SGCZ: variants seen among roughly 807,000 people sequenced by gnomAD.
The protein encoded by SGCZ is sarcoglycan zeta.
A neutral mutation model predicts 41.3 loss-of-function variants in SGCZ; 40 were observed. That is an observed-to-expected ratio of 0.97 (90% confidence interval 0.75 to 1.26). SGCZ has a LOEUF of 1.26. Ranked by LOEUF, SGCZ falls within the 50% of genes most tolerant of loss-of-function variation. The pLI is 0.00. For missense variants in SGCZ, 552 were observed against 369.8 expected (o/e 1.49, Z -4.04); for synonymous variants, 206 against 137.5 (o/e 1.50, Z -3.49).
chr8:14,309,582 G>T (rs1585346419), intron 3 of SGCZ: 2 of 1,610,816 alleles, frequency 1.2e-6, no homozygotes, highest in South Asian at 2.2e-5. Context: ...GGAAAGGTTA[G>T]GACTTCATCC....
intron 1 of SGCZ, among the ~76,000 whole-genome samples, chr8:14,963,944 G>C (rs1040040568): frequency 1.3e-5 from 2 of 152,178 alleles, no homozygotes; most frequent in East Asian, 3.9e-4. Flanking sequence ...TTTCTAAGTT[G>C]TTTAATATAG....
chr8:15,008,706 A>G (rs1235505961), intron 1 of SGCZ, among the ~76,000 whole-genome samples: 3 of 71,938 alleles, frequency 4.2e-5, no homozygotes, highest in African/African-American at 1.2e-4. Context: ...AGAGGAGAAA[A>G]GGGGAGGAGG....
intron 1 of SGCZ, among the ~76,000 whole-genome samples, chr8:14,681,898 A>T (rs4831635): frequency 0.41 from 61,733 of 151,914 alleles, 14,964 homozygotes; most frequent in Non-Finnish European, 0.56. Flanking sequence ...TGGCACATTT[A>T]TAGCTAATGT....
At chr8:15,186,262 CAAAAA>C (rs61237091) in intron 1 of SGCZ, among the ~76,000 whole-genome samples, 32 of 80,692 alleles carry the variant, frequency 4.0e-4, no homozygotes, top group African/African-American at 2.0e-3. Flanking sequence ...GATTCCGTAC[CAAAAA>C]AAAAAAAAAA....
At chr8:14,585,364 G>C (rs1379514853) in intron 1 of SGCZ, among the ~76,000 whole-genome samples, 2 of 151,968 alleles carry the variant, frequency 1.3e-5, no homozygotes, top group African/African-American at 2.4e-5. Flanking sequence ...ATTTCATACT[G>C]TATTTATTTT....
chr8:14,919,913 GT>G, intron 1 of SGCZ, among the ~76,000 whole-genome samples: 1 of 151,828 alleles, frequency 6.6e-6, no homozygotes. Context: ...GTGAGACTCT[GT>G]TTTTTTTGTT....
intron 1 of SGCZ, among the ~76,000 whole-genome samples, chr8:15,236,314 C>A: frequency 6.6e-6 from 1 of 152,340 alleles, no homozygotes; most frequent in Admixed American, 6.5e-5. Flanking sequence ...GGCCAGGGCA[C>A]AGGACAGGCT....
chr8:14,353,012 T>C lies in SGCZ; in HGVS notation c.235-28808A>G, dbSNP rs900663722. 2.6e-5 allele frequency among the ~76,000 whole-genome samples: 4 copies of C among 151,996 alleles called. No individual in the cohort carries two copies. In the East Asian group the frequency reaches 7.7e-4, roughly 29 times the overall value. ...TTTTCCTGTAACATTTCTGGACAAC[T>C]TTCTGGGCGTTCTTACCTCTATGGA... On this transcript the variant is annotated intron_variant, in intron 2 of 7. Coordinates refer to ENST00000382080, the MANE Select transcript of SGCZ (RefSeq NM_139167.4).
At chr8:14,314,185 C>A (rs192772579) in intron 3 of SGCZ, among the ~76,000 whole-genome samples, 4 of 151,960 alleles carry the variant, frequency 2.6e-5, no homozygotes, top group Admixed American at 6.6e-5. Context: ...ATTTTTAAGT[C>A]CAAAGAATGT....
chr8:14,160,399 C>T (rs1002895772), intron 5 of SGCZ, among the ~76,000 whole-genome samples: 4 of 152,012 alleles, frequency 2.6e-5, no homozygotes, highest in Non-Finnish European at 5.9e-5. Flanking sequence ...AAGGTTTATT[C>T]CTTTTTTTGT....
intron 1 of SGCZ, among the ~76,000 whole-genome samples, chr8:14,899,938 T>A (rs1022872609): frequency 6.6e-6 from 1 of 152,092 alleles, no homozygotes; most frequent in Non-Finnish European, 1.5e-5. Context: ...GCTGGTGACC[T>A]GTACGTAGTT....
At chr8:14,697,484 A>G (rs2117587763) in intron 1 of SGCZ, among the ~76,000 whole-genome samples, 1 of 152,188 alleles carries the variant, frequency 6.6e-6, no homozygotes, top group African/African-American at 2.4e-5. Context: ...CTTGCTAATC[A>G]TTAACACACA....
At chr8:15,045,339 A>G (rs1234930210) in intron 1 of SGCZ, among the ~76,000 whole-genome samples, 1 of 152,132 alleles carries the variant, frequency 6.6e-6, no homozygotes, top group Non-Finnish European at 1.5e-5. Flanking sequence ...ATGAATAAAA[A>G]TGACTTTCTC....
chr8:14,148,125 C>T (rs1803584200), intron 5 of SGCZ, among the ~76,000 whole-genome samples: 1 of 151,928 alleles, frequency 6.6e-6, no homozygotes, highest in Non-Finnish European at 1.5e-5. Flanking sequence ...AATAAACAGT[C>T]TAACAATGCA....
rs1440217501 is a variant in SGCZ, at chr8:14,107,334, G to A, written c.620+829C>T. Among the ~76,000 whole-genome samples the A allele has an allele frequency of 2.0e-5, 3 of 152,010 alleles. No homozygotes were observed. The East Asian group carries it at 5.8e-4, about 29-fold the overall frequency. On this transcript the variant is annotated intron_variant, in intron 6 of 7. Transcript: ENST00000382080. ...ACAGTGGTAATAATTATCCTGGGAA[G>A]AATTCCCTATAATGTTGGAATTTTC... is the stretch of plus-strand genomic sequence containing the variant.
intron 3 of SGCZ, among the ~76,000 whole-genome samples, chr8:14,253,897 C>G (rs1196348033): frequency 6.6e-6 from 1 of 150,534 alleles, no homozygotes; most frequent in African/African-American, 2.4e-5. Flanking sequence ...TTTCAAAAAT[C>G]TTTTTTACAT....
intron 4 of SGCZ, among the ~76,000 whole-genome samples, chr8:14,228,362 A>C (rs1204412369): frequency 1.3e-5 from 2 of 152,034 alleles, no homozygotes; most frequent in African/African-American, 4.8e-5. Context: ...TAAAAGAGAA[A>C]ATTTAAAGCC....
chr8:14,224,131 A>T (rs1585249648), intron 4 of SGCZ, among the ~76,000 whole-genome samples: 3 of 152,292 alleles, frequency 2.0e-5, no homozygotes, highest in East Asian at 3.9e-4. Context: ...TTCAAAACAA[A>T]TAATGTACAC....
At chr8:14,762,729 G>A (rs1341714701) in intron 1 of SGCZ, among the ~76,000 whole-genome samples, 1 of 152,028 alleles carries the variant, frequency 6.6e-6, no homozygotes, top group African/African-American at 2.4e-5. Context: ...TTTATTTGCT[G>A]GACAAACAAG....
Sources: gnomAD v4.1 joint callset for allele counts (sites outside exome capture counted in the v4.1 genomes callset) on GRCh38, gnomAD v4.1.1 for gene constraint, MANE v1.5 for transcripts, NCBI Gene and HGNC (gene_info 2026-07-23, HGNC 2026-07-21) for gene names.